The following ZNF676 variants were observed in gnomAD, a reference collection of about 807,000 sequenced individuals.
ZNF676 encodes zinc finger protein 676.
Under a neutral mutation model 6.0 loss-of-function variants are expected in ZNF676, and 4 were observed. The observed-to-expected ratio is 0.67, with a 90% CI of 0.33 to 1.53. The LOEUF is 1.53. Ranked by LOEUF, ZNF676 falls within the 40% of genes most tolerant of loss-of-function variation. The pLI, the probability that ZNF676 is intolerant of heterozygous loss-of-function variation, is 0.06. For missense variants in ZNF676, 644 were observed against 679.7 expected, an observed-to-expected ratio of 0.95 and a Z score of 0.58; for synonymous variants, 198 against 223.1, an observed-to-expected ratio of 0.89 and a Z score of 1.00.
the ZNF676 span, among the ~76,000 whole-genome samples, chr19:22,254,741 A>T: frequency 6.6e-6 from 1 of 152,186 alleles, no homozygotes. Flanking sequence ...ACATATCACA[A>T]TCTGTTCTTG....
chr19:22,180,509 T>C lies in ZNF676; in HGVS notation c.1208A>G (p.Asn403Ser), dbSNP rs763095939. 50 of 1,602,540 alleles carry C rather than the reference T, an allele frequency of 3.1e-5. No homozygotes were observed. Among genetic ancestry groups the C allele is most frequent in the Middle Eastern group, 1.7e-4 (1 of 5,948 alleles). ...ATGTTCCATGAGCTTTGAGGATGAGTTGGAAGCTTTGCCACATTCTTCACA... is the reference window on the plus strand; with the variant it reads ...ATGTTCCATGAGCTTTGAGGATGAGCTGGAAGCTTTGCCACATTCTTCACA... ...YKCEECGKAS[N>S]SSSKLMEHKR... The change falls in exon 3 of 3, where the codon AAC becomes AGC. Residue 403 changes from asparagine (N) to serine (S), a missense_variant. Physicochemically the swap from Asn to Ser is conservative, Grantham distance 46 (BLOSUM62 1). This residue lies in a region of ZNF676 where 306 missense variants were observed against 265.4 expected (regional missense o/e 1.15). Coordinates refer to ENST00000397121, the MANE Select transcript of ZNF676 (RefSeq NM_001001411.3).
the ZNF676 span, among the ~76,000 whole-genome samples, chr19:22,247,151 G>C: frequency 1.3e-5 from 2 of 152,278 alleles, no homozygotes; most frequent in Middle Eastern, 6.8e-3. Flanking sequence ...TAAAAAATGG[G>C]ATTGGGTTAG....
At chr19:22,190,384 T>C (rs1348045093) in intron 2 of ZNF676, among the ~76,000 whole-genome samples, 1 of 151,066 alleles carries the variant, frequency 6.6e-6, no homozygotes, top group Non-Finnish European at 1.5e-5. Context: ...CTGCTCAATG[T>C]AATCTACACA....
chr19:22,239,984 T>C, the ZNF676 span, among the ~76,000 whole-genome samples: 47 of 152,158 alleles, frequency 3.1e-4, no homozygotes, highest in Admixed American at 2.6e-3. Context: ...ATGTTATGAG[T>C]AGGGATCATG....
the ZNF676 span, among the ~76,000 whole-genome samples, chr19:22,251,681 A>G: frequency 6.6e-6 from 1 of 151,674 alleles, no homozygotes; most frequent in Admixed American, 6.6e-5. Flanking sequence ...CCAGCTACTG[A>G]GGAAGCTAAG....
chr19:22,253,695 T>C, the ZNF676 span, among the ~76,000 whole-genome samples: 1 of 151,912 alleles, frequency 6.6e-6, no homozygotes, highest in South Asian at 2.1e-4. Flanking sequence ...TGTAGCTGGA[T>C]GTTCACATAT....
At chr19:22,223,722 C>G in the ZNF676 span, among the ~76,000 whole-genome samples, 4 of 151,830 alleles carry the variant, frequency 2.6e-5, no homozygotes, top group Admixed American at 2.6e-4. Flanking sequence ...TTGCTGCAGG[C>G]AGAAAGGAAT....
the ZNF676 span, among the ~76,000 whole-genome samples, chr19:22,238,623 G>T: frequency 1.3e-5 from 2 of 152,018 alleles, no homozygotes; most frequent in Admixed American, 6.6e-5. Flanking sequence ...GTATTAGTCA[G>T]GGTTCTCCAG....
At chr19:22,221,576 C>A in the ZNF676 span, among the ~76,000 whole-genome samples, 2 of 152,022 alleles carry the variant, frequency 1.3e-5, no homozygotes, top group Non-Finnish European at 2.9e-5. Flanking sequence ...CATGGTGAAA[C>A]CCCATCGCTA....
At chr19:22,189,964 G>A (rs1399472503) in intron 2 of ZNF676, among the ~76,000 whole-genome samples, 6 of 152,214 alleles carry the variant, frequency 3.9e-5, no homozygotes, top group South Asian at 2.1e-4. Flanking sequence ...ACAATGTGGC[G>A]ATTCCTCAAG....
chr19:22,198,607 A>G (rs556048207), upstream of ZNF676, among the ~76,000 whole-genome samples: 2 of 152,288 alleles, frequency 1.3e-5, no homozygotes, highest in South Asian at 4.1e-4. Flanking sequence ...GCATCTTGAG[A>G]ATATGCCTTT....
upstream of ZNF676, among the ~76,000 whole-genome samples, chr19:22,216,428 G>C (rs1027359836): frequency 6.7e-6 from 1 of 150,266 alleles, no homozygotes; most frequent in East Asian, 1.9e-4. Flanking sequence ...AGAGTGAAAC[G>C]CCAGCTCAAA....
At chr19:22,211,413 T>C (rs773881439) in intron 1 of ZNF676, among the ~76,000 whole-genome samples, 3 of 152,224 alleles carry the variant, frequency 2.0e-5, no homozygotes, top group Non-Finnish European at 2.9e-5. Context: ...CAAGCTTTAA[T>C]TACATGTCAG....
At chr19:22,188,373 G>T (rs537251452) in intron 2 of ZNF676, among the ~76,000 whole-genome samples, 2 of 152,154 alleles carry the variant, frequency 1.3e-5, no homozygotes, top group African/African-American at 2.4e-5. Flanking sequence ...AAAATAATAA[G>T]ATGTATTTAT....
intron 1 of ZNF676, among the ~76,000 whole-genome samples, chr19:22,212,025 C>T (rs1008439783): frequency 1.3e-5 from 2 of 151,438 alleles, no homozygotes; most frequent in Non-Finnish European, 2.9e-5. Flanking sequence ...TGGTGAAACA[C>T]CGTCTCTATT....
upstream of ZNF676, among the ~76,000 whole-genome samples, chr19:22,219,497 C>T (rs1158434214): frequency 1.3e-5 from 2 of 152,060 alleles, no homozygotes; most frequent in Admixed American, 1.3e-4. Flanking sequence ...AATTTAGATT[C>T]TGTTTATTTT....
chr19:22,218,427 G>A (rs192345905), upstream of ZNF676, among the ~76,000 whole-genome samples: 187 of 151,988 alleles, frequency 1.2e-3, 1 homozygote, highest in African/African-American at 4.2e-3. Flanking sequence ...TCTGCCTCCC[G>A]GGTTCAAGCA....
At chr19:22,247,052 T>A in the ZNF676 span, among the ~76,000 whole-genome samples, 3 of 152,196 alleles carry the variant, frequency 2.0e-5, no homozygotes, top group African/African-American at 7.2e-5. Context: ...ATAAAGGGAC[T>A]ATACTGAGGA....
At chr19:22,247,488 C>T in the ZNF676 span, among the ~76,000 whole-genome samples, 3 of 151,354 alleles carry the variant, frequency 2.0e-5, no homozygotes, top group South Asian at 2.1e-4. Flanking sequence ...CACTTGAACA[C>T]GGGAGGCAGA....
Sources: gnomAD v4.1 joint callset for allele counts (sites outside exome capture counted in the v4.1 genomes callset) on GRCh38, gnomAD v4.1.1 for gene constraint, gnomAD v4.1.1 regional missense constraint, MANE v1.5 for transcripts, NCBI Gene and HGNC (gene_info 2026-07-23, HGNC 2026-07-21) for gene names.